The following SH3PXD2A variants were observed in gnomAD, a reference collection of about 807,000 sequenced individuals.
The protein encoded by SH3PXD2A is SH3 and PX domains 2A.
SH3PXD2A carries 32 observed loss-of-function variants against 115.2 expected under a neutral mutation model. The observed-to-expected ratio is 0.28, with a 90% confidence interval of 0.21 to 0.37. SH3PXD2A has a LOEUF of 0.37. SH3PXD2A is among the 10% of genes least tolerant of loss of function. SH3PXD2A has a pLI of 1.00. For missense variants in SH3PXD2A, 1,328 were observed against 1,498.7 expected (o/e 0.89, Z 1.88); for synonymous variants, 610 against 629.1 (o/e 0.97, Z 0.45).
intron 1 of SH3PXD2A, among the ~76,000 whole-genome samples, chr10:103,846,071 C>A (rs892353903): frequency 6.6e-6 from 1 of 152,212 alleles, no homozygotes; most frequent in Admixed American, 6.5e-5. Context: ...GCTAAATTGT[C>A]CCACCCGCCC....
At chr10:103,712,578 G>T (rs368581921) in intron 5 of SH3PXD2A, among the ~76,000 whole-genome samples, 1 of 152,256 alleles carries the variant, frequency 6.6e-6, no homozygotes, top group Non-Finnish European at 1.5e-5. Context: ...TCAACAGGCT[G>T]CCCTGGGGGG....
chr10:103,735,255 A>G (rs116469144), intron 4 of SH3PXD2A, among the ~76,000 whole-genome samples: 1,783 of 152,330 alleles, frequency 0.012, 42 homozygotes, highest in African/African-American at 0.041. Flanking sequence ...CTGCATCTGT[A>G]AAGATGTGTA....
chr10:103,776,993 T>C (rs983475983), intron 2 of SH3PXD2A, among the ~76,000 whole-genome samples: 1 of 152,256 alleles, frequency 6.6e-6, no homozygotes, highest in Non-Finnish European at 1.5e-5. Flanking sequence ...CCGTATACTA[T>C]GAAGAGTCTC....
chr10:103,805,803 C>A lies in SH3PXD2A; in HGVS notation c.73-4441G>T, dbSNP rs569617833. On this transcript the variant is annotated intron_variant, in intron 1 of 14. Transcript: ENST00000369774. ...CTTTGGGAAGCCAAGGCAGGAGGAT[C>A]GCTTGAGCCCAGGAGTTTGAGACTG... Among the ~76,000 whole-genome samples, 4 of 152,344 alleles carry A rather than the reference C, an allele frequency of 2.6e-5. No individual in the cohort carries two copies. In the South Asian group the frequency reaches 8.3e-4, roughly 32 times the overall value.
rs190074036 is a variant in SH3PXD2A, at chr10:103,832,813, G to A, written c.72+22382C>T. 4.2e-3 allele frequency among the ~76,000 whole-genome samples: 635 copies of A among 152,188 alleles called. 8 individuals carry two copies. The highest frequency in any genetic ancestry group is 0.017 in the Middle Eastern group (5 of 294). On this transcript the variant is annotated intron_variant, in intron 1 of 14. Coordinates refer to ENST00000369774, the MANE Select transcript of SH3PXD2A (RefSeq NM_001394015.1). ...TGTAAATGACGAGTTAATGGGTGCA[G>A]CACACCAACATGGTACATGTATACA...
At chr10:103,628,683 C>A (rs900068298) in intron 8 of SH3PXD2A, among the ~76,000 whole-genome samples, 2 of 152,144 alleles carry the variant, frequency 1.3e-5, no homozygotes, top group African/African-American at 2.4e-5. Flanking sequence ...CCATCTCCCT[C>A]CCCTAGGCTC....
intron 5 of SH3PXD2A, among the ~76,000 whole-genome samples, chr10:103,719,703 T>C (rs903863722): frequency 2.5e-4 from 38 of 149,328 alleles, no homozygotes; most frequent in Admixed American, 1.7e-3. Flanking sequence ...TAATTTCTTT[T>C]TCTTTTTTTT....
intron 6 of SH3PXD2A, among the ~76,000 whole-genome samples, chr10:103,683,646 AG>A (rs1029616003): frequency 6.6e-6 from 1 of 152,198 alleles, no homozygotes; most frequent in African/African-American, 2.4e-5. Flanking sequence ...TGGGCCATTA[AG>A]TAAGACCCCA....
intron 8 of SH3PXD2A, among the ~76,000 whole-genome samples, chr10:103,659,647 G>A (rs753184679): frequency 2.0e-5 from 3 of 152,228 alleles, no homozygotes; most frequent in Non-Finnish European, 4.4e-5. Flanking sequence ...GCAGGGACAT[G>A]GCTCTGCCAG....
intron 5 of SH3PXD2A, among the ~76,000 whole-genome samples, chr10:103,712,287 G>A (rs1416316695): frequency 2.6e-5 from 4 of 152,212 alleles, no homozygotes; most frequent in Admixed American, 1.3e-4. Flanking sequence ...GCCATGCTCC[G>A]GGCCACATGT....
chr10:103,769,950 TTC>T (rs1354224161), intron 2 of SH3PXD2A, among the ~76,000 whole-genome samples: 1 of 152,224 alleles, frequency 6.6e-6, no homozygotes, highest in Non-Finnish European at 1.5e-5. Flanking sequence ...CTCACCCATA[TTC>T]TGTTTTTGTA....
At chr10:103,758,201 G>C (rs913038313) in intron 3 of SH3PXD2A, among the ~76,000 whole-genome samples, 6 of 152,156 alleles carry the variant, frequency 3.9e-5, no homozygotes, top group African/African-American at 1.2e-4. Context: ...AGCTGTCTCT[G>C]GGTGACTCAG....
chr10:103,691,228 T>C (rs141052128), intron 6 of SH3PXD2A, among the ~76,000 whole-genome samples: 238 of 152,350 alleles, frequency 1.6e-3, no homozygotes, highest in African/African-American at 4.6e-3. Flanking sequence ...GTGCTACTGC[T>C]GCTGCTGCTG....
At chr10:103,773,239 AAAG>A (rs2038846762) in intron 2 of SH3PXD2A, among the ~76,000 whole-genome samples, 1 of 150,320 alleles carries the variant, frequency 6.7e-6, no homozygotes, top group Admixed American at 6.6e-5. Flanking sequence ...AAAAAAAAAA[AAAG>A]AGAAAAAAAG....
At chr10:103,643,099 A>G (rs2036978229) in intron 8 of SH3PXD2A, among the ~76,000 whole-genome samples, 1 of 152,232 alleles carries the variant, frequency 6.6e-6, no homozygotes, top group Admixed American at 6.5e-5. Context: ...GAGGGCTTGC[A>G]AAAATCCAGT....
intron 3 of SH3PXD2A, among the ~76,000 whole-genome samples, chr10:103,753,317 C>CAAAAAAAAA (rs60364879): frequency 8.0e-5 from 5 of 62,856 alleles, no homozygotes; most frequent in African/African-American, 3.1e-4. Context: ...CTGCCTCTAC[C>CAAAAAAAAA]AAAAAAAAAA....
chr10:103,683,383 G>A (rs924260799), intron 6 of SH3PXD2A, among the ~76,000 whole-genome samples: 3 of 151,512 alleles, frequency 2.0e-5, no homozygotes, highest in Non-Finnish European at 2.9e-5. Context: ...GCATGGTGGC[G>A]GGTGCCTGTA....
chr10:103,661,748 C>A, intron 7 of SH3PXD2A: 1 of 985,336 alleles, frequency 1.0e-6, no homozygotes, highest in Non-Finnish European at 1.2e-6. Context: ...TTTGAGGCCG[C>A]CAATCACTGG....
intron 1 of SH3PXD2A, among the ~76,000 whole-genome samples, chr10:103,822,693 C>G (rs1220857983): frequency 6.6e-6 from 1 of 152,236 alleles, no homozygotes; most frequent in Non-Finnish European, 1.5e-5. Context: ...AATACCACCA[C>G]CAAGCCCCCT....
Sources: allele counts gnomAD v4.1 joint callset (sites outside exome capture counted in the v4.1 genomes callset), GRCh38; gene constraint gnomAD v4.1.1; transcripts MANE v1.5; gene names NCBI Gene and HGNC (gene_info 2026-07-23, HGNC 2026-07-21).